The following EAPP variants were observed in gnomAD, a reference collection of about 807,000 sequenced individuals.
EAPP encodes the protein E2F associated phosphoprotein.
Under a neutral mutation model 34.3 loss-of-function variants are expected in EAPP, and 38 were observed. The ratio of observed to expected loss-of-function variants is 1.11; its 90% CI spans 0.85 to 1.45. The LOEUF is 1.45. Ranked by LOEUF, EAPP falls within the 40% of genes most tolerant of loss-of-function variation. EAPP has a pLI of 0.00. For synonymous variants in EAPP, 113 were observed against 117.6 expected, an observed-to-expected ratio of 0.96 and a Z score of 0.25; for missense variants, 338 against 343.7, an observed-to-expected ratio of 0.98 and a Z score of 0.13.
chr14:34,523,910 A>G (rs1414899065), intron 5 of EAPP, among the ~76,000 whole-genome samples: 1 of 152,126 alleles, frequency 6.6e-6, no homozygotes, highest in African/African-American at 2.4e-5. Context: ...TTAGTCACAC[A>G]GCACCAAGAA....
chr14:34,533,603 C>T lies in EAPP; in HGVS notation c.257-64G>A, dbSNP rs1262878553. Reference sequence around the variant, plus strand: ...ACATAATTCACAAGGCAAAAAACTCCATATATTCTTCCATCACCTCAAAAC... The same window carrying T: ...ACATAATTCACAAGGCAAAAAACTCTATATATTCTTCCATCACCTCAAAAC... On this transcript the variant is annotated intron_variant, in intron 2 of 5. Coordinates refer to ENST00000250454, the MANE Select transcript of EAPP (RefSeq NM_018453.4). 20 of 1,060,800 alleles carry T rather than the reference C, an allele frequency of 1.9e-5. No individual in the cohort carries two copies. The East Asian group carries it at 5.1e-4, about 27-fold the overall frequency. The allele number at this position is 1,060,800 out of a possible 1,614,324, so 65.7% of individuals were successfully genotyped here. A position where few individuals can be genotyped will look rare whatever the true frequency, so the allele number is the denominator to read the frequency against.
intron 5 of EAPP, among the ~76,000 whole-genome samples, chr14:34,518,724 C>T (rs1369762862): frequency 1.3e-5 from 2 of 152,134 alleles, no homozygotes; most frequent in African/African-American, 2.4e-5. Flanking sequence ...GCTGAATTGA[C>T]CCCTTTATAT....
chr14:34,524,530 C>T (rs1566446555), intron 5 of EAPP, among the ~76,000 whole-genome samples, 167 bp downstream of exon 5: 2 of 151,928 alleles, frequency 1.3e-5, no homozygotes, highest in Non-Finnish European at 2.9e-5. Context: ...GCAGGAGACT[C>T]GCTTGAACCC....
intron 3 of EAPP, among the ~76,000 whole-genome samples, chr14:34,530,951 A>T (rs1405384921): frequency 1.3e-5 from 2 of 151,124 alleles, no homozygotes; most frequent in East Asian, 3.9e-4. Flanking sequence ...AAGAGGAAAA[A>T]AACAAAAAAA....
chr14:34,517,516 TG>T (rs2138881333), intron 5 of EAPP, among the ~76,000 whole-genome samples: 1 of 152,270 alleles, frequency 6.6e-6, no homozygotes, highest in South Asian at 2.1e-4. Flanking sequence ...CCTAAAGTGC[TG>T]GGATTACAGG....
chr14:34,522,672 T>G (rs1319836146), intron 5 of EAPP, among the ~76,000 whole-genome samples: 1 of 152,196 alleles, frequency 6.6e-6, no homozygotes, highest in African/African-American at 2.4e-5. Flanking sequence ...CAGATGGCAC[T>G]TTAAGCCTCA....
At chr14:34,527,631 G>A (rs1358888586) in intron 4 of EAPP, among the ~76,000 whole-genome samples, 1 of 152,196 alleles carries the variant, frequency 6.6e-6, no homozygotes, top group Non-Finnish European at 1.5e-5. Flanking sequence ...GTCATAAAAA[G>A]TAGAGAAGTA....
chr14:34,536,566 G>A (rs1430907621), intron 1 of EAPP: 1 of 193,058 alleles, frequency 5.2e-6, no homozygotes, highest in Non-Finnish European at 1.0e-5. Context: ...CCCAGTTCAA[G>A]CAATCCTCCC....
chr14:34,524,902 G>T, intron 4 of EAPP, 95 bp from the exon 5 acceptor site: 2 of 894,586 alleles, frequency 2.2e-6, no homozygotes, highest in East Asian at 2.5e-5. Context: ...GTACTATTCA[G>T]AGAAATGGCT....
At chr14:34,527,891 T>C (rs188397174) in intron 4 of EAPP, among the ~76,000 whole-genome samples, 94 of 152,282 alleles carry the variant, frequency 6.2e-4, no homozygotes, top group African/African-American at 2.2e-3. Context: ...GTGGTGGCTG[T>C]GCAACATTGT....
intron 4 of EAPP, among the ~76,000 whole-genome samples, chr14:34,528,415 CTTTTTT>C (rs1180289298): frequency 5.6e-5 from 3 of 54,050 alleles, no homozygotes; most frequent in Non-Finnish European, 9.8e-5. Context: ...CCACAAAACC[CTTTTTT>C]TTTTTTTTTT....
chr14:34,537,792 C>A (rs1021726487), intron 1 of EAPP, among the ~76,000 whole-genome samples: 2 of 152,322 alleles, frequency 1.3e-5, no homozygotes, highest in Middle Eastern at 3.4e-3. Flanking sequence ...GATGCTCATG[C>A]TGCTTGCTGT....
At position 34,518,325 on chromosome 14, in the gene EAPP, A is replaced by ATTT. The variant is rs71404852; in HGVS notation, c.582-1742_582-1740dup. On this transcript the variant is annotated intron_variant, in intron 5 of 5. Transcript: ENST00000250454. ...TACTGTATTGTATCTCTCCCTTTAG[A>ATTT]TTTTTTTTTTTTTTTTTTTTTTTTT... Among the ~76,000 whole-genome samples, 692 of 74,076 alleles carry ATTT rather than the reference A, an allele frequency of 9.3e-3. 165 individuals are homozygous for ATTT. The highest frequency in any genetic ancestry group is 0.04 in the African/African-American group (591 of 14,622). The allele number at this position is 74,076 out of a possible 152,430, so 48.6% of individuals were successfully genotyped here. A position where few individuals can be genotyped will look rare whatever the true frequency, so the allele number is the denominator to read the frequency against.
intron 3 of EAPP, among the ~76,000 whole-genome samples, chr14:34,531,798 C>T (rs1416677757): frequency 6.6e-6 from 1 of 151,576 alleles, no homozygotes; most frequent in African/African-American, 2.4e-5. Flanking sequence ...ATTTTCAGGC[C>T]GGGCACAGTA....
At position 34,526,954 on chromosome 14, in the gene EAPP, TGAGGTCAG is replaced by T. The variant is rs1880116730; in HGVS notation, c.471-2155_471-2148del. On this transcript the variant is annotated intron_variant, in intron 4 of 5. Coordinates refer to ENST00000250454, the MANE Select transcript of EAPP (RefSeq NM_018453.4). ...GGGAGGCCGAGGCAGGTGGATCATC[TGAGGTCAG>T]GAGTTCGAGACCAGCCTGACCAACA... Among the ~76,000 whole-genome samples the T allele has an allele frequency of 2.0e-5, 3 of 151,992 alleles. No individual in the cohort carries two copies. In the East Asian group the frequency reaches 5.8e-4, roughly 29 times the overall value.
intron 5 of EAPP, among the ~76,000 whole-genome samples, chr14:34,521,121 T>G (rs1879903256): frequency 6.6e-6 from 1 of 152,140 alleles, no homozygotes; most frequent in African/African-American, 2.4e-5. Flanking sequence ...CAGGCTGTAG[T>G]GCAATGGTGT....
At position 34,533,452 on chromosome 14, in the gene EAPP, T is replaced by C. The variant is rs368060325; in HGVS notation, c.344A>G (p.Asp115Gly). The C allele has an allele frequency of 6.2e-7, 1 of 1,611,642 alleles. No individual in the cohort carries two copies. The highest frequency in any genetic ancestry group is 8.5e-7 in the Non-Finnish European group (1 of 1,178,616). The part of the protein sequence containing the change: ...IYFDSDSEDE[D>G]RAVQVTKKKK... ...GTAAATAGGTTACTTACCTGCTCTG[T>C]CTTCATCCTCGGAATCAGAATCAAA... is the stretch of plus-strand genomic sequence containing the variant. The change falls in exon 3 of 6, where the codon GAC becomes GGC. Residue 115 changes from aspartate to glycine, a missense_variant. Transcript: ENST00000250454.
At chr14:34,522,686 C>A (rs758214773) in intron 5 of EAPP, among the ~76,000 whole-genome samples, 1 of 152,110 alleles carries the variant, frequency 6.6e-6, no homozygotes, top group Non-Finnish European at 1.5e-5. Flanking sequence ...AGCCTCAGTT[C>A]TAGTAAACAC....
At position 34,516,234 on chromosome 14, in the gene EAPP, G is replaced by A. The variant is rs1879713124; in HGVS notation, c.*76C>T. On this transcript the variant is annotated 3_prime_UTR_variant, in exon 6 of 6. Transcript: ENST00000250454. The stretch of plus-strand genomic sequence containing the variant: ...CTTCCTCAATGTCACTGAAGGATAT[G>A]AACAGGCAAGAGGAAAGTAACTGTC... 7.2e-7 allele frequency: 1 copy of A among 1,384,948 alleles called. No homozygotes were observed. The highest frequency in any genetic ancestry group is 1.4e-5 in the African/African-American group (1 of 69,132). 85.8% of individuals were successfully genotyped at this position (1,384,948 alleles called of 1,614,324 possible).
Sources: allele counts gnomAD v4.1 joint callset (sites outside exome capture counted in the v4.1 genomes callset), GRCh38; gene constraint gnomAD v4.1.1; transcripts MANE v1.5; gene names NCBI Gene and HGNC (gene_info 2026-07-23, HGNC 2026-07-21).